Variants in KCNQ5 observed in about 807,000 individuals in gnomAD.
KCNQ5 encodes potassium voltage-gated channel subfamily KQT member 5.
KCNQ5 carries 30 observed loss-of-function variants against 98.2 expected under a neutral mutation model. The observed-to-expected ratio is 0.31, with a 90% CI of 0.23 to 0.41. KCNQ5 has a LOEUF of 0.41. Ranked by LOEUF, KCNQ5 falls within the 10% of genes least tolerant of loss-of-function variation. KCNQ5 has a pLI of 1.00. For synonymous variants in KCNQ5, 458 were observed against 449.4 expected (o/e 1.02, Z -0.24); for missense variants, 835 against 1,182.5 (o/e 0.71, Z 4.31).
chr6:72,929,869 C>A (rs1582035416), intron 1 of KCNQ5, among the ~76,000 whole-genome samples: 1 of 152,086 alleles, frequency 6.6e-6, no homozygotes, highest in African/African-American at 2.4e-5. Flanking sequence ...TAAACACAGT[C>A]TTATGACAGG....
At chr6:73,097,049 A>G (rs940066602) in intron 5 of KCNQ5, among the ~76,000 whole-genome samples, 41 of 151,822 alleles carry the variant, frequency 2.7e-4, no homozygotes, top group African/African-American at 9.2e-4. Flanking sequence ...AGAAAAAAAA[A>G]ATGTGGTAAG....
chr6:72,721,666 C>T (rs1390364050), intron 1 of KCNQ5, among the ~76,000 whole-genome samples: 1 of 152,136 alleles, frequency 6.6e-6, no homozygotes, highest in Admixed American at 6.5e-5. Context: ...ATAACAAACA[C>T]AAAATGTGTT....
At chr6:73,099,931 C>T (rs1277292331) in intron 5 of KCNQ5, among the ~76,000 whole-genome samples, 2 of 152,130 alleles carry the variant, frequency 1.3e-5, no homozygotes, top group Non-Finnish European at 2.9e-5. Flanking sequence ...TCAGGATAGG[C>T]CACATGTTAG....
intron 1 of KCNQ5, among the ~76,000 whole-genome samples, chr6:72,635,623 T>TTTCCCC: frequency 6.6e-6 from 1 of 151,640 alleles, no homozygotes; most frequent in African/African-American, 2.4e-5. Flanking sequence ...TTACTTTCCC[T>TTTCCCC]TTCCCCTTGG....
chr6:73,167,328 C>T (rs1314924702), intron 10 of KCNQ5, among the ~76,000 whole-genome samples: 3 of 152,206 alleles, frequency 2.0e-5, no homozygotes, highest in African/African-American at 7.2e-5. Flanking sequence ...GTAGTGAGCT[C>T]TTTGCCCTGT....
At chr6:72,821,568 A>G (rs943871444) in intron 1 of KCNQ5, among the ~76,000 whole-genome samples, 1 of 151,584 alleles carries the variant, frequency 6.6e-6, no homozygotes, top group African/African-American at 2.4e-5. Flanking sequence ...TCTGAATAGT[A>G]TTTGTGACAG....
intron 1 of KCNQ5, among the ~76,000 whole-genome samples, chr6:72,717,713 G>A (rs997633119): frequency 1.3e-5 from 2 of 152,066 alleles, no homozygotes; most frequent in South Asian, 2.1e-4. Context: ...GTTTAGAATC[G>A]CTCTCCATGA....
At chr6:73,132,812 G>A (rs539338472) in intron 9 of KCNQ5, among the ~76,000 whole-genome samples, 1 of 152,242 alleles carries the variant, frequency 6.6e-6, no homozygotes, top group East Asian at 1.9e-4. Flanking sequence ...TCTATCTTGT[G>A]TGGTTTTCAT....
intron 5 of KCNQ5, among the ~76,000 whole-genome samples, chr6:73,089,568 C>T (rs920217873): frequency 2.4e-4 from 37 of 152,150 alleles, no homozygotes; most frequent in Non-Finnish European, 2.9e-5. Flanking sequence ...CCTTCCCATC[C>T]TTTCACCTTG....
chr6:73,063,094 A>G (rs1156657574), intron 3 of KCNQ5, among the ~76,000 whole-genome samples: 1 of 152,202 alleles, frequency 6.6e-6, no homozygotes, highest in Non-Finnish European at 1.5e-5. Context: ...GAAAATATCC[A>G]GCTCCTGAAT....
intron 1 of KCNQ5, among the ~76,000 whole-genome samples, chr6:72,950,671 G>A (rs1466614285): frequency 1.3e-5 from 2 of 151,488 alleles, no homozygotes; most frequent in African/African-American, 4.8e-5. Context: ...TCCTTCCACA[G>A]TTGTGTGTGT....
At chr6:73,079,871 G>A (rs913134298) in intron 5 of KCNQ5, among the ~76,000 whole-genome samples, 1 of 152,182 alleles carries the variant, frequency 6.6e-6, no homozygotes, top group Non-Finnish European at 1.5e-5. Context: ...CCAGCAAGGG[G>A]AAGACAGTTT....
At chr6:73,114,460 A>C (rs1361305178) in intron 7 of KCNQ5, among the ~76,000 whole-genome samples, 1 of 152,222 alleles carries the variant, frequency 6.6e-6, no homozygotes, top group African/African-American at 2.4e-5. Flanking sequence ...CTTGCAGCAA[A>C]TTTAGCTGTG....
At chr6:73,163,541 G>A (rs1582470662) in intron 10 of KCNQ5, among the ~76,000 whole-genome samples, 1 of 152,360 alleles carries the variant, frequency 6.6e-6, no homozygotes, top group Admixed American at 6.5e-5. Flanking sequence ...GAGGTCAGGA[G>A]TTCAAGGCCA....
At chr6:72,948,804 ATGATGACTTTAAT>A (rs1165385826) in intron 1 of KCNQ5, among the ~76,000 whole-genome samples, 10 of 152,174 alleles carry the variant, frequency 6.6e-5, no homozygotes, top group African/African-American at 2.4e-4. Flanking sequence ...GATTTTACAT[ATGATGACTTTAAT>A]TGATGTTGAC....
chr6:72,915,468 A>T (rs184492666), intron 1 of KCNQ5, among the ~76,000 whole-genome samples: 2 of 152,280 alleles, frequency 1.3e-5, no homozygotes, highest in East Asian at 3.9e-4. Context: ...AATCCAACAA[A>T]ATTGATCAAA....
Position 73,103,784 on chromosome 6 carries a change from T to C in KCNQ5, c.919-1473T>C, listed in dbSNP as rs147140048. On this transcript the variant is annotated intron_variant, in intron 5 of 13. Transcript: ENST00000370398. ...AAAAAACCAGAAAGAGTGAATAACG[T>C]CTAGTATTTGAAAGTACAAAAGTGT... is the stretch of plus-strand genomic sequence containing the variant. 6.2e-3 allele frequency among the ~76,000 whole-genome samples: 943 copies of C among 152,126 alleles called. 22 individuals are homozygous for C. The highest frequency in any genetic ancestry group is 0.044 in the Admixed American group (677 of 15,272).
At chr6:72,915,169 TA>T (rs922694646) in intron 1 of KCNQ5, among the ~76,000 whole-genome samples, 1 of 151,926 alleles carries the variant, frequency 6.6e-6, no homozygotes, top group African/African-American at 2.4e-5. Context: ...AAAATAAAAA[TA>T]AAAAATGCTG....
intron 1 of KCNQ5, among the ~76,000 whole-genome samples, chr6:72,933,874 G>A (rs896930637): frequency 3.9e-5 from 6 of 152,072 alleles, no homozygotes; most frequent in African/African-American, 9.7e-5. Flanking sequence ...TTTTAGGCAA[G>A]GTCCCTGATC....
Sources: allele counts gnomAD v4.1 joint callset (sites outside exome capture counted in the v4.1 genomes callset), GRCh38; gene constraint gnomAD v4.1.1; transcripts MANE v1.5; gene names NCBI Gene and HGNC (gene_info 2026-07-23, HGNC 2026-07-21).